The following FAM135A variants were observed in gnomAD, a reference collection of about 807,000 sequenced individuals.
FAM135A encodes the protein family with sequence similarity 135 member A.
In FAM135A, 79 loss-of-function variants were observed where a neutral mutation model predicts 146.8. The ratio of observed to expected loss-of-function variants is 0.54; its 90% CI spans 0.45 to 0.65. The LOEUF is 0.65. FAM135A is among the 30% of genes least tolerant of loss of function. The pLI, the probability that FAM135A is intolerant of heterozygous loss-of-function variation, is 0.00. For synonymous variants in FAM135A, 562 were observed against 603.6 expected (o/e 0.93, Z 1.01); for missense variants, 1,623 against 1,758.2 (o/e 0.92, Z 1.38).
chr6:70,430,833 C>T (rs1370713054), intron 4 of FAM135A, among the ~76,000 whole-genome samples: 1 of 152,132 alleles, frequency 6.6e-6, no homozygotes, highest in African/African-American at 2.4e-5. Context: ...CTCTAGATTT[C>T]TTCTAGATTC....
Position 70,526,641 on chromosome 6 carries a change from A to G in FAM135A, c.3557A>G (p.Tyr1186Cys), listed in dbSNP as rs1794742084. ...ACAAAGCAGCCAAGCAGTACTTCTT[A>G]CAACTTCACTTCTTCGATTTCCTGG... ...AITKQPSSTS[Y>C]NFTSSISWYE... The change falls in exon 15 of 22, where the codon TAC becomes TGC. Residue 1186 changes from tyrosine (Y) to cysteine (C), a missense_variant. Coordinates refer to ENST00000418814, the MANE Select transcript of FAM135A (RefSeq NM_001162529.3). 2 of 1,610,822 alleles carry G rather than the reference A, an allele frequency of 1.2e-6. No homozygotes were observed. Among genetic ancestry groups the G allele is most frequent in the African/African-American group, 1.3e-5 (1 of 74,778 alleles).
chr6:70,514,592 T>G (rs1423877021), intron 12 of FAM135A, among the ~76,000 whole-genome samples: 2 of 152,084 alleles, frequency 1.3e-5, no homozygotes, highest in Non-Finnish European at 2.9e-5. Flanking sequence ...CAAACTCCTG[T>G]CCCCAAAATT....
At chr6:70,522,615 G>T (rs1217284155) in intron 13 of FAM135A, 29 bp downstream of exon 13, 9 of 1,556,516 alleles carry the variant, frequency 5.8e-6, no homozygotes, top group Non-Finnish European at 8.0e-6. Flanking sequence ...AAATTAAAAT[G>T]ATATTACTTC....
chr6:70,526,800 C>CATAT lies in FAM135A; in HGVS notation c.3614+103_3614+104insTATA, dbSNP rs1561981302. 8 of 725,312 alleles carry CATAT rather than the reference C, an allele frequency of 1.1e-5. No homozygotes were observed. In the African/African-American group the frequency reaches 1.7e-4, roughly 16 times the overall value. The allele number at this position is 725,312 out of a possible 1,614,324, so 44.9% of individuals were successfully genotyped here. A position where few individuals can be genotyped will look rare whatever the true frequency, so the allele number is the denominator to read the frequency against. On this transcript the variant is annotated intron_variant, in intron 15 of 21. Coordinates refer to ENST00000418814, the MANE Select transcript of FAM135A (RefSeq NM_001162529.3). ...ACACACACACACACACACACACACA[C>CATAT]ACATATATATATAAAATCATAGATA...
chr6:70,558,646 CA>C (rs533413985), intron 21 of FAM135A, among the ~76,000 whole-genome samples: 97 of 151,992 alleles, frequency 6.4e-4, no homozygotes, highest in African/African-American at 2.2e-3. Flanking sequence ...CCCATTCTAC[CA>C]AAAATAAAAA....
intron 15 of FAM135A, among the ~76,000 whole-genome samples, chr6:70,527,918 G>T (rs1795062412): frequency 6.6e-6 from 1 of 152,096 alleles, no homozygotes; most frequent in African/African-American, 2.4e-5. Flanking sequence ...AAGGGGATAA[G>T]ATTTCATTAC....
intron 4 of FAM135A, among the ~76,000 whole-genome samples, chr6:70,431,609 A>G (rs1486511536): frequency 6.6e-6 from 1 of 152,194 alleles, no homozygotes; most frequent in Non-Finnish European, 1.5e-5. Context: ...ACTACACTCC[A>G]CTTCTTAATG....
intron 20 of FAM135A, among the ~76,000 whole-genome samples, chr6:70,539,347 T>TACAATCTCTTTGCA (rs1797414531): frequency 6.6e-6 from 1 of 152,202 alleles, no homozygotes; most frequent in South Asian, 2.1e-4. Flanking sequence ...TTGTAAGCCA[T>TACAATCTCTTTGCA]ACAATCTCTT....
chr6:70,469,100 C>A (rs962658172), intron 5 of FAM135A, among the ~76,000 whole-genome samples: 2 of 152,118 alleles, frequency 1.3e-5, no homozygotes, highest in Admixed American at 6.5e-5. Context: ...CAAATGTATT[C>A]TATCATTTAC....
At chr6:70,464,965 T>C (rs924007537) in intron 5 of FAM135A, among the ~76,000 whole-genome samples, 1 of 149,768 alleles carries the variant, frequency 6.7e-6, no homozygotes, top group South Asian at 2.2e-4. Context: ...ATTATAGGCA[T>C]GAGCCACCAC....
At chr6:70,427,404 T>C (rs1361297357) in intron 3 of FAM135A, among the ~76,000 whole-genome samples, 5 of 152,092 alleles carry the variant, frequency 3.3e-5, no homozygotes, top group Non-Finnish European at 7.4e-5. Context: ...TGACGGCGCA[T>C]GCCTATAGTC....
chr6:70,495,663 G>A (rs1279378728), intron 11 of FAM135A, among the ~76,000 whole-genome samples: 1 of 152,112 alleles, frequency 6.6e-6, no homozygotes, highest in Non-Finnish European at 1.5e-5. Context: ...TATACTTCAA[G>A]TTATGGGATA....
At chr6:70,539,703 G>A (rs1483489518) in intron 20 of FAM135A, among the ~76,000 whole-genome samples, 1 of 152,096 alleles carries the variant, frequency 6.6e-6, no homozygotes, top group Non-Finnish European at 1.5e-5. Context: ...GAGAATAAAA[G>A]ACATTGACAC....
intron 19 of FAM135A, among the ~76,000 whole-genome samples, chr6:70,537,309 C>T (rs1796975270): frequency 6.6e-6 from 1 of 152,060 alleles, no homozygotes; most frequent in South Asian, 2.1e-4. Flanking sequence ...TCAATTGATT[C>T]CCACTGTGAG....
rs138096471 is a variant in FAM135A, at chr6:70,524,011, C to G, written c.1148C>G (p.Ser383Cys). ...LQMCTAIKNT[S>C]FCSSLPPLPI... The stretch of plus-strand genomic sequence containing the variant: ...ATGTGCACCGCTATCAAAAATACTT[C>G]CTTCTGCAGTTCTCTTCCACCCTTA... Residue 383 changes from serine (S) to cysteine (C), a missense_variant, in exon 14 of 22, where the codon TCC becomes TGC. Physicochemically the swap from Ser to Cys is moderately radical, Grantham distance 112. This residue lies in a region of FAM135A where 1,061 missense variants were observed against 1,113.8 expected (regional missense o/e 0.95). Coordinates refer to ENST00000418814, the MANE Select transcript of FAM135A (RefSeq NM_001162529.3). 17 of 1,612,614 alleles carry G rather than the reference C, an allele frequency of 1.1e-5. No individual in the cohort carries two copies. In the African/African-American group the frequency reaches 1.6e-4, roughly 15 times the overall value.
intron 5 of FAM135A, among the ~76,000 whole-genome samples, chr6:70,457,158 A>G (rs1304722614): frequency 6.6e-6 from 1 of 152,208 alleles, no homozygotes; most frequent in African/African-American, 2.4e-5. Flanking sequence ...ATAGCATGTC[A>G]CATCTTACAG....
Position 70,523,962 on chromosome 6 carries a change from T to C in FAM135A, c.1104-5T>C. ...TTACAATCTGACTGAAGAAATATTT[T>C]TCAGTGCTCAGAGTCATCTACAGAT... On this transcript the variant is annotated splice_polypyrimidine_tract_variant and splice_region_variant and intron_variant, in intron 13 of 21. Transcript: ENST00000418814. The C allele has an allele frequency of 6.3e-7, 1 of 1,593,008 alleles. No individual in the cohort carries two copies. Among genetic ancestry groups the C allele is most frequent in the Non-Finnish European group, 8.5e-7 (1 of 1,174,846 alleles).
At chr6:70,511,966 A>T (rs1275656431) in intron 12 of FAM135A, among the ~76,000 whole-genome samples, 2 of 151,958 alleles carry the variant, frequency 1.3e-5, no homozygotes, top group Non-Finnish European at 1.5e-5. Flanking sequence ...AGACCATCCT[A>T]TACGCGATCC....
chr6:70,477,025 G>A lies in FAM135A; in HGVS notation c.369-134G>A, dbSNP rs1253384001. On this transcript the variant is annotated intron_variant, in intron 7 of 21. Coordinates refer to ENST00000418814, the MANE Select transcript of FAM135A (RefSeq NM_001162529.3). Reference sequence around the variant, plus strand: ...ATATTGCTTCTAATGCAACTTTGATGCTTTAAAAATTACTCTTATTCGAAA... The same window carrying A: ...ATATTGCTTCTAATGCAACTTTGATACTTTAAAAATTACTCTTATTCGAAA... 4 of 865,914 alleles carry A rather than the reference G, an allele frequency of 4.6e-6. 1 individual carries two copies. In the African/African-American group the frequency reaches 5.1e-5, roughly 11 times the overall value. 53.6% of individuals were successfully genotyped at this position (865,914 alleles called of 1,614,324 possible). A position where few individuals can be genotyped will look rare whatever the true frequency, so the allele number is the denominator to read the frequency against.
Sources: allele counts gnomAD v4.1 joint callset (sites outside exome capture counted in the v4.1 genomes callset), GRCh38; gene constraint gnomAD v4.1.1; regional missense constraint gnomAD v4.1.1; transcripts MANE v1.5; gene names NCBI Gene and HGNC (gene_info 2026-07-23, HGNC 2026-07-21).